NFATC3: variants seen among roughly 807,000 people sequenced by gnomAD.
NFATC3 encodes nuclear factor of activated T cells 3, also known as nuclear factor of activated T-cells, cytoplasmic 3.
A neutral mutation model predicts 98.6 loss-of-function variants in NFATC3; 46 were observed. The observed-to-expected ratio is 0.47, with a 90% CI of 0.37 to 0.60. The LOEUF is 0.60. Among genes scored for constraint, NFATC3 ranks in the 20% least tolerant of loss-of-function variants. NFATC3 has a pLI of 0.00. For missense variants in NFATC3, 1,256 were observed against 1,295.5 expected (o/e 0.97, Z 0.47); for synonymous variants, 512 against 472.2 (o/e 1.08, Z -1.09).
At chr16:68,183,080 T>C (rs1301014016) in intron 7 of NFATC3, among the ~76,000 whole-genome samples, 160 bp from the exon 8 acceptor site, 1 of 152,242 alleles carries the variant, frequency 6.6e-6, no homozygotes, top group East Asian at 1.9e-4. Context: ...AAGACTGAAG[T>C]ATCCCTTTAG....
Position 68,191,377 on chromosome 16 carries a change from C to G in NFATC3, c.2708C>G (p.Thr903Arg), listed in dbSNP as rs1327795279. ...TCTTCTCCAGTGGCTGACCAGATTACAGGTCAGCCTTCGTCTCAGTTACAA... is the reference window on the plus strand; with the variant it reads ...TCTTCTCCAGTGGCTGACCAGATTAGAGGTCAGCCTTCGTCTCAGTTACAA... Reference protein sequence around the residue: ...SLSSPVADQITGQPSSQLQPI... With the variant: ...SLSSPVADQIRGQPSSQLQPI... The change falls in exon 9 of 10, where the codon ACA becomes AGA. Residue 903 changes from threonine (T) to arginine (R), a missense_variant. Coordinates refer to ENST00000346183, the MANE Select transcript of NFATC3 (RefSeq NM_173165.3). 1 of 1,614,080 alleles carries G rather than the reference C, an allele frequency of 6.2e-7. No individual in the cohort carries two copies. The highest frequency in any genetic ancestry group is 8.5e-7 in the Non-Finnish European group (1 of 1,180,048).
chr16:68,114,318 G>C (rs1200557107), intron 1 of NFATC3, among the ~76,000 whole-genome samples: 2 of 151,922 alleles, frequency 1.3e-5, no homozygotes, highest in Non-Finnish European at 2.9e-5. Flanking sequence ...GACGGAGCAG[G>C]ATTCACTGGC....
intron 1 of NFATC3, chr16:68,089,534 C>A (rs773205600): frequency 6.5e-6 from 1 of 152,886 alleles, no homozygotes; most frequent in Admixed American, 6.5e-5. Context: ...TCTCTACCGT[C>A]AGACCAGCCT....
At position 68,085,513 on chromosome 16, in the gene NFATC3, C is replaced by T. The variant is rs1320758687; in HGVS notation, c.-169C>T. 3.6e-6 allele frequency: 2 copies of T among 553,680 alleles called. No individual in the cohort carries two copies. Among genetic ancestry groups the T allele is most frequent in the Non-Finnish European group, 6.0e-6 (2 of 334,624 alleles). The allele number at this position is 553,680 out of a possible 1,614,324, so 34.3% of individuals were successfully genotyped here. A position where few individuals can be genotyped will look rare whatever the true frequency, so the allele number is the denominator to read the frequency against. On this transcript the variant is annotated 5_prime_UTR_variant, in exon 1 of 10. Transcript: ENST00000346183. ...TGCTGCTCGGCGCGCGGCCAGCTTT[C>T]GGAACGGAACGCTCGGCGTCGCGGG...
chr16:68,139,390 A>G (rs62057369), intron 3 of NFATC3, among the ~76,000 whole-genome samples: 2,610 of 152,334 alleles, frequency 0.017, 35 homozygotes, highest in Non-Finnish European at 0.027. Context: ...TTTGACCAAC[A>G]CTTCAACACT....
chr16:68,158,669 T>G (rs1267404734), intron 4 of NFATC3, among the ~76,000 whole-genome samples: 1 of 152,190 alleles, frequency 6.6e-6, no homozygotes, highest in East Asian at 1.9e-4. Context: ...AAGTTTTTTC[T>G]TCTTTGCCGT....
intron 9 of NFATC3, chr16:68,200,739 C>T (rs1261334392): frequency 1.3e-5 from 2 of 152,138 alleles, no homozygotes; most frequent in African/African-American, 2.4e-5. Flanking sequence ...ATCATTGCAC[C>T]TCCTTGAAAA....
intron 1 of NFATC3, among the ~76,000 whole-genome samples, chr16:68,104,071 C>A (rs1392059453): frequency 6.6e-6 from 1 of 152,142 alleles, no homozygotes; most frequent in African/African-American, 2.4e-5. Context: ...TTTTCCATTT[C>A]TCTAGAAAAG....
chr16:68,122,179 C>T lies in NFATC3; in HGVS notation c.296C>T (p.Pro99Leu). Residue 99 changes from proline (P) to leucine (L), a missense_variant, in exon 2 of 10, where the codon CCA becomes CTA. This residue lies in a region of NFATC3 where 464 missense variants were observed against 465.7 expected (regional missense o/e 1.00). Coordinates refer to ENST00000346183, the MANE Select transcript of NFATC3 (RefSeq NM_173165.3). The part of the protein sequence containing the change: ...TCEIPESKYS[P>L]LGGPKPFECP... ...GAGATTCCTGAATCTAAATATAGCCCATTAGGTGGTCCCAAACCCTTTGAG... is the reference window on the plus strand; with the variant it reads ...GAGATTCCTGAATCTAAATATAGCCTATTAGGTGGTCCCAAACCCTTTGAG... 1 of 1,614,086 alleles carries T rather than the reference C, an allele frequency of 6.2e-7. No individual in the cohort carries two copies. Among genetic ancestry groups the T allele is most frequent in the South Asian group, 1.1e-5 (1 of 91,076 alleles).
rs776342784 is a variant in NFATC3, at chr16:68,122,280, A to G, written c.397A>G (p.Ile133Val). The G allele has an allele frequency of 2.5e-6, 4 of 1,614,050 alleles. No individual in the cohort carries two copies. The highest frequency in any genetic ancestry group is 1.3e-5 in the African/African-American group (1 of 74,912). Reference protein sequence around the residue: ...ELDAHEDDLQINDPEREFLER... With the variant: ...ELDAHEDDLQVNDPEREFLER... ...AGATGCACATGAAGATGACCTACAG[A>G]TAAATGACCCAGAACGGGAATTTTT... is the stretch of plus-strand genomic sequence containing the variant. Residue 133 changes from isoleucine to valine, a missense_variant, in exon 2 of 10, where the codon ATA (isoleucine) becomes GTA (valine). Physicochemically the swap from Ile to Val is conservative, Grantham distance 29. Transcript: ENST00000346183.
chr16:68,166,720 C>T, intron 4 of NFATC3, 123 bp from the exon 5 acceptor site: 1 of 722,872 alleles, frequency 1.4e-6, no homozygotes, highest in Non-Finnish European at 2.2e-6. Flanking sequence ...TCATACATAT[C>T]TTTCTTTTTT....
At chr16:68,145,079 C>T (rs558203275) in intron 3 of NFATC3, among the ~76,000 whole-genome samples, 1 of 152,078 alleles carries the variant, frequency 6.6e-6, no homozygotes, top group South Asian at 2.1e-4. Context: ...GCCGTGGGAT[C>T]ACAAGCTTGA....
chr16:68,125,772 G>A (rs557254104), intron 2 of NFATC3, among the ~76,000 whole-genome samples: 85 of 152,094 alleles, frequency 5.6e-4, no homozygotes, highest in African/African-American at 1.9e-3. Context: ...TTTTTGTTAA[G>A]TTCATACACA....
At chr16:68,158,775 A>G (rs2038740230) in intron 4 of NFATC3, among the ~76,000 whole-genome samples, 1 of 152,186 alleles carries the variant, frequency 6.6e-6, no homozygotes, top group African/African-American at 2.4e-5. Context: ...AGGGGTAATA[A>G]GGAGAAAGGT....
chr16:68,114,425 T>C (rs551811026), intron 1 of NFATC3, among the ~76,000 whole-genome samples: 1 of 152,328 alleles, frequency 6.6e-6, no homozygotes, highest in East Asian at 1.9e-4. Context: ...TTAACTTCTT[T>C]GCAAATGTTT....
At chr16:68,134,954 T>G (rs2037309623) in intron 3 of NFATC3, among the ~76,000 whole-genome samples, 1 of 152,092 alleles carries the variant, frequency 6.6e-6, no homozygotes, top group Non-Finnish European at 1.5e-5. Flanking sequence ...ATAATGTTCT[T>G]TTATTATTAA....
Position 68,122,463 on chromosome 16 carries a change from T to C in NFATC3, c.580T>C (p.Ser194Pro). ...TTCACATATTTATGATGATGTGGACTCAGAGTTGAATGAAGCTGCAGCCCG... is the reference window on the plus strand; with the variant it reads ...TTCACATATTTATGATGATGTGGACCCAGAGTTGAATGAAGCTGCAGCCCG... ...SLSHIYDDVD[S>P]ELNEAAARFT... is the part of the protein sequence containing the mutation. The change falls in exon 2 of 10, where the codon TCA becomes CCA. Residue 194 changes from serine (S) to proline (P), a missense_variant. This residue lies in a region of NFATC3 where 464 missense variants were observed against 465.7 expected (regional missense o/e 1.00). Coordinates refer to ENST00000346183, the MANE Select transcript of NFATC3 (RefSeq NM_173165.3). 6.2e-7 allele frequency: 1 copy of C among 1,614,142 alleles called. No homozygotes were observed. Among genetic ancestry groups the C allele is most frequent in the Non-Finnish European group, 8.5e-7 (1 of 1,180,034 alleles).
chr16:68,221,519 T>C, intron 9 of NFATC3: 1 of 1,259,722 alleles, frequency 7.9e-7, no homozygotes, highest in African/African-American at 1.5e-5. Context: ...AAAGATTCAG[T>C]TGGCAAGTAA....
intron 1 of NFATC3, among the ~76,000 whole-genome samples, chr16:68,112,847 T>G (rs1023544510): frequency 6.6e-6 from 1 of 151,846 alleles, no homozygotes; most frequent in Non-Finnish European, 1.5e-5. Context: ...GTCTTCAAGC[T>G]CTGATATCCT....
Sources: gnomAD v4.1 joint callset for allele counts (sites outside exome capture counted in the v4.1 genomes callset) on GRCh38, gnomAD v4.1.1 for gene constraint, gnomAD v4.1.1 regional missense constraint, MANE v1.5 for transcripts, NCBI Gene and HGNC (gene_info 2026-07-23, HGNC 2026-07-21) for gene names.